Variants in CACNA1D observed in about 807,000 individuals in gnomAD.
CACNA1D encodes voltage-dependent L-type calcium channel subunit alpha-1D.
Under a neutral mutation model 257.1 loss-of-function variants are expected in CACNA1D, and 55 were observed. The ratio of observed to expected loss-of-function variants is 0.21; its 90% CI spans 0.17 to 0.27. CACNA1D has a LOEUF of 0.27. Among genes scored for constraint, CACNA1D ranks in the 10% least tolerant of loss-of-function variants. The probability of loss-of-function intolerance (pLI) is 1.00; values close to 1 mark genes in which losing one functional copy is unlikely to be tolerated. For missense variants in CACNA1D, 1,876 were observed against 2,784.0 expected, an observed-to-expected ratio of 0.67 and a Z score of 7.34; for synonymous variants, 980 against 1,014.9, an observed-to-expected ratio of 0.97 and a Z score of 0.65.
intron 40 of CACNA1D, among the ~76,000 whole-genome samples, chr3:53,799,577 C>T (rs79626843): frequency 0.012 from 1,890 of 152,312 alleles, 45 homozygotes; most frequent in African/African-American, 0.044. Flanking sequence ...AAAAAGCGGA[C>T]CCCCTGTTGG....
intron 3 of CACNA1D, among the ~76,000 whole-genome samples, chr3:53,544,973 A>C (rs771475809): frequency 1.7e-4 from 26 of 152,226 alleles, no homozygotes; most frequent in Non-Finnish European, 8.8e-5. Flanking sequence ...GGCATAGAAT[A>C]AGTGCTCCAT....
At chr3:53,693,620 A>G (rs1372112289) in intron 8 of CACNA1D, among the ~76,000 whole-genome samples, 3 of 152,184 alleles carry the variant, frequency 2.0e-5, no homozygotes, top group Non-Finnish European at 4.4e-5. Context: ...GAAATAATTT[A>G]GGTCTAAAGA....
intron 3 of CACNA1D, among the ~76,000 whole-genome samples, chr3:53,579,034 G>A (rs1185641794): frequency 2.6e-5 from 4 of 152,178 alleles, no homozygotes; most frequent in East Asian, 3.9e-4. Context: ...GGCCAGGCCC[G>A]AGCAGCAGGC....
intron 6 of CACNA1D, 110 bp from the exon 7 acceptor site, chr3:53,666,229 G>C (rs968300374): frequency 5.1e-6 from 5 of 983,830 alleles, no homozygotes; most frequent in Non-Finnish European, 8.2e-6. Context: ...AGGCAACGCA[G>C]ATGGGGCGGT....
chr3:53,496,936 T>G (rs2090376544), intron 1 of CACNA1D, among the ~76,000 whole-genome samples: 1 of 152,184 alleles, frequency 6.6e-6, no homozygotes. Context: ...GCGGTGATCC[T>G]GTGTGATTGA....
chr3:53,750,733 G>A (rs1271389023), intron 27 of CACNA1D, among the ~76,000 whole-genome samples: 1 of 152,178 alleles, frequency 6.6e-6, no homozygotes, highest in African/African-American at 2.4e-5. Flanking sequence ...TGAATTGGGG[G>A]TCCCTGGAGT....
chr3:53,707,447 G>A (rs778946146), intron 9 of CACNA1D, among the ~76,000 whole-genome samples: 11 of 152,162 alleles, frequency 7.2e-5, no homozygotes, highest in Non-Finnish European at 1.3e-4. Context: ...GCCTCTAACT[G>A]AGCTGTCTGG....
chr3:53,698,531 T>G (rs960889570), intron 8 of CACNA1D, among the ~76,000 whole-genome samples: 3 of 152,250 alleles, frequency 2.0e-5, no homozygotes, highest in Non-Finnish European at 4.4e-5. Flanking sequence ...TACAGATTTG[T>G]TTGTTTCAAA....
chr3:53,753,974 T>C (rs2095245932), intron 29 of CACNA1D, among the ~76,000 whole-genome samples: 1 of 152,254 alleles, frequency 6.6e-6, no homozygotes, highest in Admixed American at 6.5e-5. Flanking sequence ...TCTAGAATAG[T>C]ACATATCATG....
At chr3:53,667,315 A>G (rs1209073864) in intron 7 of CACNA1D, among the ~76,000 whole-genome samples, 4 of 146,510 alleles carry the variant, frequency 2.7e-5, no homozygotes, top group Non-Finnish European at 6.0e-5. Flanking sequence ...GCCATTTCCC[A>G]GGGCTGAGTT....
intron 30 of CACNA1D, among the ~76,000 whole-genome samples, chr3:53,762,308 T>C (rs1445598843): frequency 6.6e-6 from 1 of 152,230 alleles, no homozygotes; most frequent in African/African-American, 2.4e-5. Context: ...ACAGGCCTTT[T>C]TGCAGCATTT....
intron 3 of CACNA1D, among the ~76,000 whole-genome samples, chr3:53,605,154 C>T (rs764126773): frequency 1.2e-4 from 19 of 152,212 alleles, no homozygotes; most frequent in African/African-American, 4.1e-4. Flanking sequence ...GACATTCACA[C>T]ACTGCATAGC....
chr3:53,548,352 CTTTT>C (rs34313562), intron 3 of CACNA1D, among the ~76,000 whole-genome samples: 1,490 of 71,586 alleles, frequency 0.021, 28 homozygotes, highest in African/African-American at 0.068. Context: ...AGCAACAAAG[CTTTT>C]TTTTTTTTTT....
At chr3:53,496,178 CCT>C (rs1388999539) in intron 1 of CACNA1D, among the ~76,000 whole-genome samples, 5 of 152,246 alleles carry the variant, frequency 3.3e-5, no homozygotes, top group Admixed American at 3.3e-4. Context: ...CTTGCTGTCA[CCT>C]CTCTCACTTC....
chr3:53,530,201 C>T (rs929155129), intron 3 of CACNA1D: 8 of 152,242 alleles, frequency 5.3e-5, no homozygotes, highest in Middle Eastern at 3.4e-3. Context: ...AAGTAGAAAT[C>T]GTTTATTAAA....
At chr3:53,801,589 C>T (rs1039302917) in intron 42 of CACNA1D, among the ~76,000 whole-genome samples, 164 bp downstream of exon 42, 3 of 152,158 alleles carry the variant, frequency 2.0e-5, no homozygotes, top group African/African-American at 7.2e-5. Flanking sequence ...TCACTGCTGC[C>T]TCTGACACTC....
At position 53,753,677 on chromosome 3, in the gene CACNA1D, C is replaced by G. The variant is rs1209316036; in HGVS notation, c.3781C>G (p.Pro1261Ala). ...GGTTTTGAAAGTCATCGCATTTAAGCCTAAGGTGAGTTGCAGAACCCACTT... is the reference window on the plus strand; with the variant it reads ...GGTTTTGAAAGTCATCGCATTTAAGGCTAAGGTGAGTTGCAGAACCCACTT... The part of the protein sequence containing the change: ...EMVLKVIAFK[P>A]KGYFSDAWNT... The change falls in exon 29 of 48, where the codon CCT becomes GCT. Residue 1261 changes from proline to alanine, a missense_variant. Coordinates refer to ENST00000350061, the MANE Select transcript of CACNA1D (RefSeq NM_001128840.3). 2 of 1,598,884 alleles carry G rather than the reference C, an allele frequency of 1.3e-6. No individual in the cohort carries two copies. The highest frequency in any genetic ancestry group is 1.7e-6 in the Non-Finnish European group (2 of 1,166,130).
chr3:53,507,758 G>A (rs11719614), intron 3 of CACNA1D, among the ~76,000 whole-genome samples: 1 of 152,040 alleles, frequency 6.6e-6, no homozygotes, highest in Non-Finnish European at 1.5e-5. Context: ...CTTATACAAC[G>A]AACCTCCCCA....
At chr3:53,730,081 C>A (rs1207192327) in intron 15 of CACNA1D, among the ~76,000 whole-genome samples, 1 of 151,818 alleles carries the variant, frequency 6.6e-6, no homozygotes, top group African/African-American at 2.4e-5. Flanking sequence ...TTTAATTATA[C>A]CATGTTTATG....
Sources: gnomAD v4.1 joint callset for allele counts (sites outside exome capture counted in the v4.1 genomes callset) on GRCh38, gnomAD v4.1.1 for gene constraint, MANE v1.5 for transcripts, NCBI Gene and HGNC (gene_info 2026-07-23, HGNC 2026-07-21) for gene names.